LRBA: variants seen among roughly 807,000 people sequenced by gnomAD.
LRBA encodes the protein lipopolysaccharide-responsive and beige-like anchor protein.
LRBA carries 176 observed loss-of-function variants against 330.0 expected under a neutral mutation model. The observed-to-expected ratio is 0.53, with a 90% CI of 0.47 to 0.60. LRBA has a LOEUF of 0.60. Ranked by LOEUF, LRBA falls within the 20% of genes least tolerant of loss-of-function variation. The pLI, the probability that LRBA is intolerant of heterozygous loss-of-function variation, is 0.00. For missense variants in LRBA, 3,259 were observed against 3,444.8 expected, an observed-to-expected ratio of 0.95 and a Z score of 1.35; for synonymous variants, 1,230 against 1,193.0, an observed-to-expected ratio of 1.03 and a Z score of -0.64.
intron 48 of LRBA, among the ~76,000 whole-genome samples, chr4:150,327,203 C>T (rs1468071733): frequency 2.6e-5 from 4 of 152,038 alleles, no homozygotes; most frequent in Admixed American, 6.6e-5. Context: ...ACAGGAGGAT[C>T]GCTTGAGGCC....
intron 22 of LRBA, 104 bp downstream of exon 22, chr4:150,867,567 T>C (rs111962037): frequency 1.6e-5 from 12 of 768,286 alleles, no homozygotes; most frequent in African/African-American, 1.1e-4. Context: ...GAAGATAACT[T>C]GCCTTTTTTC....
At chr4:150,385,732 G>C (rs1742961720) in intron 47 of LRBA, among the ~76,000 whole-genome samples, 1 of 152,100 alleles carries the variant, frequency 6.6e-6, no homozygotes, top group Admixed American at 6.5e-5. Context: ...TAAGTGCCTG[G>C]TGTCTGTGGA....
At chr4:150,823,276 TGTA>T (rs1322873510) in intron 30 of LRBA, among the ~76,000 whole-genome samples, 1 of 152,226 alleles carries the variant, frequency 6.6e-6, no homozygotes, top group Admixed American at 6.5e-5. Flanking sequence ...TCGTTTAAAA[TGTA>T]GTAATATTTT....
chr4:150,645,467 C>A (rs1779037825), intron 37 of LRBA, among the ~76,000 whole-genome samples: 1 of 151,862 alleles, frequency 6.6e-6, no homozygotes, highest in Non-Finnish European at 1.5e-5. Flanking sequence ...CATTGTCATA[C>A]AAATTTGCAG....
chr4:150,756,359 C>G (rs769608403), intron 35 of LRBA, among the ~76,000 whole-genome samples: 5 of 152,156 alleles, frequency 3.3e-5, no homozygotes, highest in Admixed American at 6.5e-5. Context: ...AGATCTATTT[C>G]TGCCAGCAAA....
intron 43 of LRBA, among the ~76,000 whole-genome samples, chr4:150,469,578 T>C (rs981220664): frequency 6.6e-6 from 1 of 152,204 alleles, no homozygotes; most frequent in Non-Finnish European, 1.5e-5. Flanking sequence ...TCACTAGTTC[T>C]ATAATTTCTA....
intron 34 of LRBA, among the ~76,000 whole-genome samples, chr4:150,771,623 T>C (rs1404304006): frequency 2.0e-5 from 3 of 152,078 alleles, no homozygotes; most frequent in African/African-American, 7.2e-5. Flanking sequence ...AGGGGTCAAA[T>C]GCAATCAACT....
chr4:150,858,367 G>C (rs1751475760), intron 22 of LRBA, among the ~76,000 whole-genome samples: 1 of 151,184 alleles, frequency 6.6e-6, no homozygotes, highest in Non-Finnish European at 1.5e-5. Context: ...GCAACAGTCT[G>C]TCTCTCTCTC....
intron 36 of LRBA, among the ~76,000 whole-genome samples, chr4:150,685,410 ATATATATATATTTTTTT>A (rs1425389692): frequency 1.2e-4 from 2 of 17,038 alleles, no homozygotes; most frequent in Non-Finnish European, 2.3e-4. Flanking sequence ...ATATATATAT[ATATATATATATTTTTTT>A]TTTTTTTTTT....
intron 56 of LRBA, among the ~76,000 whole-genome samples, chr4:150,273,638 GA>G (rs889876803): frequency 1.0e-3 from 143 of 136,614 alleles, no homozygotes; most frequent in African/African-American, 3.1e-3. Context: ...CAAATGGAAA[GA>G]AAAAAAAAAA....
chr4:150,721,033 A>G (rs1277768441), intron 36 of LRBA: 1 of 547,814 alleles, frequency 1.8e-6, no homozygotes, highest in Non-Finnish European at 3.7e-6. Context: ...GAGGAACAGA[A>G]GGCGATCAAG....
intron 2 of LRBA, among the ~76,000 whole-genome samples, chr4:151,008,988 A>AAAAAAAAAAAATAT (rs1554018903): frequency 3.6e-4 from 2 of 5,530 alleles, no homozygotes; most frequent in African/African-American, 9.3e-4. Context: ...AAAAAAAAAA[A>AAAAAAAAAAAATAT]ATATATATAT....
intron 23 of LRBA, among the ~76,000 whole-genome samples, chr4:150,851,347 G>T (rs1000946565): frequency 7.9e-5 from 12 of 152,210 alleles, no homozygotes; most frequent in Non-Finnish European, 2.9e-5. Flanking sequence ...CAGAGGATAA[G>T]AATTGAATAA....
chr4:150,741,794 T>C (rs1024987021), intron 35 of LRBA, among the ~76,000 whole-genome samples: 6 of 152,164 alleles, frequency 3.9e-5, no homozygotes, highest in African/African-American at 1.2e-4. Flanking sequence ...AATTGCCTTG[T>C]ATAAAGATAA....
chr4:150,896,403 A>C lies in LRBA; in HGVS notation c.2058T>G (p.Thr686=). 1 of 1,524,854 alleles carries C rather than the reference A, an allele frequency of 6.6e-7. No individual in the cohort carries two copies. Among genetic ancestry groups the C allele is most frequent in the Non-Finnish European group, 9.0e-7 (1 of 1,109,606 alleles). The allele number at this position is 1,524,854 out of a possible 1,614,324, so 94.5% of individuals were successfully genotyped here. Residue 686 remains threonine, a synonymous_variant, in exon 16 of 57, where the codon ACT becomes ACG. Transcript: ENST00000651943. ...ELQAILNYLL[T]MHEDDNLMDV... is the part of the protein sequence containing the mutation. Reference sequence around the variant, plus strand: ...AAAATTCATATATTACCTCATGCATAGTCAGTAGGTAATTAAGAATGGCCT... The same window carrying C: ...AAAATTCATATATTACCTCATGCATCGTCAGTAGGTAATTAAGAATGGCCT...
At chr4:150,869,344 A>G (rs1200938329) in intron 20 of LRBA, among the ~76,000 whole-genome samples, 1 of 152,234 alleles carries the variant, frequency 6.6e-6, no homozygotes, top group Admixed American at 6.5e-5. Context: ...AATGCAAACT[A>G]AACTACTATT....
intron 44 of LRBA, among the ~76,000 whole-genome samples, chr4:150,439,624 T>C (rs1177408624): frequency 1.3e-5 from 2 of 152,188 alleles, no homozygotes; most frequent in African/African-American, 4.8e-5. Context: ...TGATTTATTG[T>C]GGTAATAACA....
intron 4 of LRBA, among the ~76,000 whole-genome samples, chr4:150,922,394 G>GTTTATATATATATATA (rs1554000209): frequency 7.2e-6 from 1 of 139,708 alleles, no homozygotes; most frequent in Non-Finnish European, 1.5e-5. Context: ...AGAAACTGTG[G>GTTTATATATATATATA]TATATATATA....
intron 40 of LRBA, among the ~76,000 whole-genome samples, chr4:150,539,233 C>A (rs1396144647): frequency 6.6e-6 from 1 of 152,186 alleles, no homozygotes. Flanking sequence ...TGCGGCCTCC[C>A]AAAGTGCTGG....
Sources: allele counts gnomAD v4.1 joint callset (sites outside exome capture counted in the v4.1 genomes callset), GRCh38; gene constraint gnomAD v4.1.1; transcripts MANE v1.5; gene names NCBI Gene and HGNC (gene_info 2026-07-23, HGNC 2026-07-21).